SLC35F4: variants seen among roughly 807,000 people sequenced by gnomAD.
SLC35F4 encodes solute carrier family 35 member F4.
SLC35F4 carries 24 observed loss-of-function variants against 44.2 expected under a neutral mutation model. The ratio of observed to expected loss-of-function variants is 0.54; its 90% CI spans 0.39 to 0.76. The LOEUF is 0.76. Ranked by LOEUF, SLC35F4 falls within the 30% of genes least tolerant of loss-of-function variation. The probability of loss-of-function intolerance (pLI) is 0.00; values close to 1 mark genes in which losing one functional copy is unlikely to be tolerated. For missense variants in SLC35F4, 562 were observed against 586.1 expected (o/e 0.96, Z 0.42); for synonymous variants, 238 against 223.6 (o/e 1.06, Z -0.57).
At chr14:57,938,250 C>T (rs1483960740) in intron 1 of SLC35F4, among the ~76,000 whole-genome samples, 4 of 151,974 alleles carry the variant, frequency 2.6e-5, no homozygotes, top group Non-Finnish European at 4.4e-5. Context: ...CAAAGACAGG[C>T]AGCAAGGAGA....
chr14:57,586,973 A>AGAAGTGGGCAAAGGAGATGAACAG (rs1555355465), intron 3 of SLC35F4, among the ~76,000 whole-genome samples: 1 of 147,808 alleles, frequency 6.8e-6, no homozygotes, highest in African/African-American at 2.5e-5. Context: ...AAAACCAACA[A>AGAAGTGGGCAAAGGAGATGAACAG]ACACTTCTCA....
At chr14:57,930,969 G>C (rs775839702) in intron 1 of SLC35F4, among the ~76,000 whole-genome samples, 2 of 152,206 alleles carry the variant, frequency 1.3e-5, no homozygotes, top group Non-Finnish European at 2.9e-5. Flanking sequence ...AAAAAAACTG[G>C]ATGAGAAGTC....
intron 1 of SLC35F4, among the ~76,000 whole-genome samples, chr14:57,775,347 TC>T (rs1374137473): frequency 6.6e-6 from 1 of 152,192 alleles, no homozygotes; most frequent in Non-Finnish European, 1.5e-5. Context: ...CAAGGACAAA[TC>T]CTACTGCTAC....
intron 1 of SLC35F4, among the ~76,000 whole-genome samples, chr14:57,769,781 GA>G: frequency 6.6e-6 from 1 of 152,154 alleles, no homozygotes; most frequent in East Asian, 1.9e-4. Context: ...TTCTGTAACA[GA>G]CATGTACTTC....
intron 1 of SLC35F4, among the ~76,000 whole-genome samples, chr14:57,686,560 G>T (rs1056475078): frequency 3.3e-5 from 5 of 152,188 alleles, no homozygotes; most frequent in Admixed American, 6.5e-5. Flanking sequence ...TTTCTGAATT[G>T]CTTTTGGCAC....
chr14:57,939,897 T>C (rs758261112), intron 1 of SLC35F4, among the ~76,000 whole-genome samples: 1 of 152,220 alleles, frequency 6.6e-6, no homozygotes, highest in African/African-American at 2.4e-5. Context: ...ATGTGCTTCC[T>C]GTATAGAAAG....
chr14:57,720,909 CTCT>C (rs1487966797), intron 1 of SLC35F4, among the ~76,000 whole-genome samples: 1 of 147,530 alleles, frequency 6.8e-6, no homozygotes, highest in Non-Finnish European at 1.5e-5. Context: ...TTTGGACTGG[CTCT>C]TCTTTCTCCT....
At chr14:57,787,855 A>G (rs2077807068) in intron 1 of SLC35F4, among the ~76,000 whole-genome samples, 1 of 152,218 alleles carries the variant, frequency 6.6e-6, no homozygotes, top group South Asian at 2.1e-4. Flanking sequence ...CAAGTTAAAA[A>G]GCAAAACAAA....
intron 1 of SLC35F4, among the ~76,000 whole-genome samples, chr14:57,854,556 C>G (rs776045598): frequency 9.2e-5 from 14 of 152,150 alleles, no homozygotes; most frequent in Non-Finnish European, 1.6e-4. Context: ...CCTGTTTGCC[C>G]TCACTATCCC....
intron 1 of SLC35F4, among the ~76,000 whole-genome samples, chr14:57,773,457 G>T (rs1028266722): frequency 5.6e-4 from 85 of 152,190 alleles, no homozygotes; most frequent in Non-Finnish European, 1.1e-3. Flanking sequence ...CATTTAGTAC[G>T]GAATAAAGCC....
chr14:57,800,425 T>C (rs1289902337), intron 1 of SLC35F4, among the ~76,000 whole-genome samples: 4 of 151,946 alleles, frequency 2.6e-5, no homozygotes, highest in African/African-American at 4.8e-5. Context: ...ATGCAAAAAA[T>C]GCTAAAAACT....
At chr14:57,584,042 G>C (rs2069502971) in intron 3 of SLC35F4, among the ~76,000 whole-genome samples, 1 of 22,894 alleles carries the variant, frequency 4.4e-5, no homozygotes, top group South Asian at 1.4e-3. Context: ...AGCATCTTAA[G>C]CATATTTTAT....
Position 57,581,258 on chromosome 14 carries a change from A to G in SLC35F4, c.763T>C (p.Leu255=). The G allele has an allele frequency of 6.2e-7, 1 of 1,607,342 alleles. No homozygotes were observed. Among genetic ancestry groups the G allele is most frequent in the Non-Finnish European group, 8.5e-7 (1 of 1,177,248 alleles). ...TCTTTCAGCACAATCCATGACAGCAAGAAGACAAAGGCTTTGTTACAACAG... is the reference window on the plus strand; with the variant it reads ...TCTTTCAGCACAATCCATGACAGCAGGAAGACAAAGGCTTTGTTACAACAG... ...LFCCNKAFVF[L]LSWIVLKDRF... Residue 255 remains leucine (L), a synonymous_variant, in exon 4 of 8, where the codon TTG becomes CTG. Transcript: ENST00000556826.
chr14:57,633,371 G>C (rs942335171), intron 1 of SLC35F4, among the ~76,000 whole-genome samples: 1 of 152,112 alleles, frequency 6.6e-6, no homozygotes, highest in South Asian at 2.1e-4. Flanking sequence ...AATTCCTGTT[G>C]CTCCACATGC....
intron 1 of SLC35F4, among the ~76,000 whole-genome samples, chr14:57,900,569 G>T (rs1201959950): frequency 6.6e-6 from 1 of 152,216 alleles, no homozygotes; most frequent in African/African-American, 2.4e-5. Flanking sequence ...AAAACATTGA[G>T]CTTCACATTG....
At chr14:57,619,972 C>T (rs1047416026) in intron 1 of SLC35F4, among the ~76,000 whole-genome samples, 4 of 151,578 alleles carry the variant, frequency 2.6e-5, no homozygotes, top group Non-Finnish European at 5.9e-5. Context: ...TGAAATAAAG[C>T]AAGAAGACAA....
chr14:57,877,674 CTTTTTTTT>C (rs139397949), intron 1 of SLC35F4, among the ~76,000 whole-genome samples: 7 of 52,440 alleles, frequency 1.3e-4, no homozygotes, highest in African/African-American at 1.7e-4. Context: ...TATTTTTTGA[CTTTTTTTT>C]TTTTTTTTTT....
intron 3 of SLC35F4, among the ~76,000 whole-genome samples, chr14:57,584,735 TCTGCTAG>T (rs1160951586): frequency 6.6e-6 from 1 of 152,030 alleles, no homozygotes; most frequent in African/African-American, 2.4e-5. Flanking sequence ...AAACAACACT[TCTGCTAG>T]CAGCAGTCTC....
rs145658398 is a variant in SLC35F4 at position 57,978,493 on chromosome 14, T to C, written n.152-1536A>G. 1.2e-3 allele frequency among the ~76,000 whole-genome samples: 186 copies of C among 152,322 alleles called. 1 individual carries two copies. Among genetic ancestry groups the C allele is most frequent in the East Asian group, 1.9e-4 (1 of 5,174 alleles). ...ATTTATGGTGAAGAAGTTGGGCTAATGTAGACATGACCGTAGGATCTTCTG... is the reference window on the plus strand; with the variant it reads ...ATTTATGGTGAAGAAGTTGGGCTAACGTAGACATGACCGTAGGATCTTCTG... On this transcript the variant is annotated intron_variant and non_coding_transcript_variant, in intron 1 of 1. Transcript: ENST00000554648.
Sources: gnomAD v4.1 joint callset for allele counts (sites outside exome capture counted in the v4.1 genomes callset) on GRCh38, gnomAD v4.1.1 for gene constraint, MANE v1.5 for transcripts, NCBI Gene and HGNC (gene_info 2026-07-23, HGNC 2026-07-21) for gene names.